Variants in CAMKK1 observed in about 807,000 individuals in gnomAD.
CAMKK1 encodes the protein calcium/calmodulin dependent protein kinase kinase 1.
A neutral mutation model predicts 63.5 loss-of-function variants in CAMKK1; 20 were observed. That is an observed-to-expected ratio of 0.32 (90% CI 0.22 to 0.46). CAMKK1 has a LOEUF of 0.46. CAMKK1 is among the 20% of genes least tolerant of loss of function. The pLI, the probability that CAMKK1 is intolerant of heterozygous loss-of-function variation, is 1.00. For synonymous variants in CAMKK1, 253 were observed against 269.0 expected, an observed-to-expected ratio of 0.94 and a Z score of 0.58; for missense variants, 588 against 658.1, an observed-to-expected ratio of 0.89 and a Z score of 1.17.
intron 12 of CAMKK1, among the ~76,000 whole-genome samples, chr17:3,870,397 G>A (rs578220118): frequency 2.9e-4 from 43 of 150,318 alleles, no homozygotes; most frequent in African/African-American, 9.3e-4. Context: ...ATGGAGTCTC[G>A]CTCTGTGGCC....
chr17:3,884,886 TGAGTTCACTTTCAGACCTAAATG>T lies in CAMKK1; in HGVS notation c.360+419_360+441del, dbSNP rs1223602092. ...TGACATCTGTAGACTGCTTGGAACCTGAGTTCACTTTCAGACCTAAATGGCAAGAACTCCAGCAGAAGCCCAGA... is the reference window on the plus strand; with the variant it reads ...TGACATCTGTAGACTGCTTGGAACCTGCAAGAACTCCAGCAGAAGCCCAGA... On this transcript the variant is annotated intron_variant, in intron 2 of 15. Coordinates refer to ENST00000348335, the MANE Select transcript of CAMKK1 (RefSeq NM_032294.3). The surrounding 1 kb of genome is among the most constrained non-coding windows in gnomAD (Gnocchi z 4.5). Among the ~76,000 whole-genome samples the T allele has an allele frequency of 5.3e-5, 8 of 152,170 alleles. No individual in the cohort carries two copies. The highest frequency in any genetic ancestry group is 1.9e-4 in the African/African-American group (8 of 41,440).
chr17:3,882,891 C>A lies in CAMKK1; in HGVS notation c.648+151G>T. 1 of 1,036,154 alleles carries A rather than the reference C, an allele frequency of 9.7e-7. No individual in the cohort carries two copies. The highest frequency in any genetic ancestry group is 1.4e-6 in the Non-Finnish European group (1 of 722,832). The allele number at this position is 1,036,154 out of a possible 1,614,324, so 64.2% of individuals were successfully genotyped here. A position where few individuals can be genotyped will look rare whatever the true frequency, so the allele number is the denominator to read the frequency against. On this transcript the variant is annotated intron_variant, in intron 6 of 15. Transcript: ENST00000348335. This position sits in a 1 kb window ranked among gnomAD's most constrained non-coding sequence, Gnocchi z 4.3. ...GGGCCCCCAAAGCCTTCCTGCAGCC[C>A]CACCCCAAGTCTGGCCCTGTCCTCA...
chr17:3,872,706 T>G (rs2054945842), intron 11 of CAMKK1, 79 bp from the exon 12 acceptor site: 2 of 1,226,174 alleles, frequency 1.6e-6, no homozygotes, highest in Non-Finnish European at 2.4e-6. Flanking sequence ...CCTCCCTTGG[T>G]GGGGGCAGGG....
At position 3,883,956 on chromosome 17, in the gene CAMKK1, C is replaced by T. The variant is rs1273926691; in HGVS notation, c.409-19G>A. The T allele has an allele frequency of 6.2e-7, 1 of 1,613,064 alleles. No individual in the cohort carries two copies. Among genetic ancestry groups the T allele is most frequent in the South Asian group, 1.1e-5 (1 of 91,062 alleles). On this transcript the variant is annotated intron_variant, in intron 3 of 15. Coordinates refer to ENST00000348335, the MANE Select transcript of CAMKK1 (RefSeq NM_032294.3). This position sits in a 1 kb window ranked among gnomAD's most constrained non-coding sequence, Gnocchi z 4.7. ...AGGCACCCTGCAGATAGGCATCAGT[C>T]AGCCCCACCTGGACAGGGCAACCCC...
At chr17:3,878,592 T>G (rs75464976) in intron 9 of CAMKK1, among the ~76,000 whole-genome samples, 3,214 of 152,178 alleles carry the variant, frequency 0.021, 55 homozygotes, top group Non-Finnish European at 0.031. Context: ...AGCCCTCCCC[T>G]CTGTGTGCCT....
chr17:3,872,694 C>A, intron 11 of CAMKK1, 67 bp from the exon 12 acceptor site: 1 of 1,416,690 alleles, frequency 7.1e-7, no homozygotes, highest in Non-Finnish European at 1.0e-6. Context: ...GGGATCAACC[C>A]CCCTCCCTTG....
At chr17:3,888,998 CGCA>C (rs2143905085) in intron 1 of CAMKK1, among the ~76,000 whole-genome samples, 1 of 152,122 alleles carries the variant, frequency 6.6e-6, no homozygotes, top group South Asian at 2.1e-4. Context: ...TGTGTGTGTG[CGCA>C]GGTGTGTTTA....
intron 11 of CAMKK1, 149 bp downstream of exon 11, chr17:3,873,260 A>G: frequency 1.4e-6 from 1 of 728,928 alleles, no homozygotes; most frequent in Non-Finnish European, 2.4e-6. Context: ...CCAGAGAAAG[A>G]TAGAAAAAGC....
intron 10 of CAMKK1, among the ~76,000 whole-genome samples, chr17:3,874,113 C>T (rs2055033891): frequency 6.6e-6 from 1 of 152,206 alleles, no homozygotes; most frequent in South Asian, 2.1e-4. Flanking sequence ...CCAGATGCAT[C>T]ATCTGAATCC....
At chr17:3,886,241 T>C (rs2055647101) in intron 1 of CAMKK1, among the ~76,000 whole-genome samples, 1 of 152,168 alleles carries the variant, frequency 6.6e-6, no homozygotes, top group Non-Finnish European at 1.5e-5. Flanking sequence ...CCCTCCTTGA[T>C]GTTTCAGCCT....
chr17:3,883,422 T>C lies in CAMKK1; in HGVS notation c.514+7A>G. On this transcript the variant is annotated splice_region_variant and intron_variant, in intron 5 of 15. Transcript: ENST00000348335. The surrounding 1 kb of genome is among the most constrained non-coding windows in gnomAD (Gnocchi z 4.7). ...AGCTCCCAGGGACAGGATCAGAAGATACATACGTGGAAAGCCATACTGCTT... is the reference window on the plus strand; with the variant it reads ...AGCTCCCAGGGACAGGATCAGAAGACACATACGTGGAAAGCCATACTGCTT... 1 of 1,612,884 alleles carries C rather than the reference T, an allele frequency of 6.2e-7. No individual in the cohort carries two copies. The highest frequency in any genetic ancestry group is 8.5e-7 in the Non-Finnish European group (1 of 1,178,850).
chr17:3,883,284 C>T lies in CAMKK1; in HGVS notation c.515-109G>A. On this transcript the variant is annotated intron_variant, in intron 5 of 15. Coordinates refer to ENST00000348335, the MANE Select transcript of CAMKK1 (RefSeq NM_032294.3). This position sits in a 1 kb window ranked among gnomAD's most constrained non-coding sequence, Gnocchi z 4.7. ...TTGCATGCCCGTGGTCTTGTCCCAA[C>T]CCACAGGGCACATTCTGTCCCCAGG... The T allele has an allele frequency of 3.3e-6, 5 of 1,514,988 alleles. No homozygotes were observed. The highest frequency in any genetic ancestry group is 4.6e-6 in the Non-Finnish European group (5 of 1,098,616). The allele number at this position is 1,514,988 out of a possible 1,614,324, so 93.8% of individuals were successfully genotyped here. A position where few individuals can be genotyped will look rare whatever the true frequency, so the allele number is the denominator to read the frequency against.
At position 3,883,510 on chromosome 17, in the gene CAMKK1, C is replaced by A; in HGVS notation, c.463-30G>T. Reference sequence around the variant, plus strand: ...GGAAGGAGGGACAGAAATGTCACTACTGTGCAGCCACCAGGGGCTAGAACA... The same window carrying A: ...GGAAGGAGGGACAGAAATGTCACTAATGTGCAGCCACCAGGGGCTAGAACA... On this transcript the variant is annotated intron_variant, in intron 4 of 15. Transcript: ENST00000348335. This position sits in a 1 kb window ranked among gnomAD's most constrained non-coding sequence, Gnocchi z 4.7. 1 of 1,578,822 alleles carries A rather than the reference C, an allele frequency of 6.3e-7. No homozygotes were observed. Among genetic ancestry groups the A allele is most frequent in the Non-Finnish European group, 8.7e-7 (1 of 1,147,786 alleles).
At chr17:3,880,804 T>C (rs1207747234) in intron 8 of CAMKK1, among the ~76,000 whole-genome samples, 1 of 149,656 alleles carries the variant, frequency 6.7e-6, no homozygotes, top group Non-Finnish European at 1.5e-5. Context: ...TTTTCCTAAA[T>C]AAGTAGAATA....
intron 14 of CAMKK1, among the ~76,000 whole-genome samples, chr17:3,869,062 G>C (rs1185370264): frequency 2.0e-5 from 3 of 149,714 alleles, no homozygotes; most frequent in African/African-American, 7.4e-5. Context: ...TCCACCTCCC[G>C]GGTTCACACC....
Position 3,884,079 on chromosome 17 carries a change from T to C in CAMKK1, c.409-142A>G. 1 of 837,602 alleles carries C rather than the reference T, an allele frequency of 1.2e-6. No homozygotes were observed. The highest frequency in any genetic ancestry group is 1.7e-5 in the African/African-American group (1 of 59,492). The allele number at this position is 837,602 out of a possible 1,614,324, so 51.9% of individuals were successfully genotyped here. ...CACCAGCTGGCTCACGGGCAAATATTGTAGCAGATGGGGAGGGGACTCCTG... is the reference window on the plus strand; with the variant it reads ...CACCAGCTGGCTCACGGGCAAATATCGTAGCAGATGGGGAGGGGACTCCTG... On this transcript the variant is annotated intron_variant, in intron 3 of 15. Coordinates refer to ENST00000348335, the MANE Select transcript of CAMKK1 (RefSeq NM_032294.3). The surrounding 1 kb of genome is among the most constrained non-coding windows in gnomAD (Gnocchi z 4.5).
chr17:3,891,714 C>G (rs1164005963), intron 1 of CAMKK1, among the ~76,000 whole-genome samples: 1 of 152,176 alleles, frequency 6.6e-6, no homozygotes, highest in African/African-American at 2.4e-5. Flanking sequence ...GGCACCTGAG[C>G]TCTCTTCTGA....
chr17:3,863,582 T>G (rs2054399047), intron 15 of CAMKK1, among the ~76,000 whole-genome samples: 1 of 152,006 alleles, frequency 6.6e-6, no homozygotes, highest in Non-Finnish European at 1.5e-5. Context: ...CTTTCAAAGT[T>G]AAACGTGGAG....
In CAMKK1 at chr17:3,879,316, T is replaced by C; in HGVS notation, c.796+1030A>G. 6.5e-6 allele frequency: 1 copy of C among 152,902 alleles called. No homozygotes were observed. The highest frequency in any genetic ancestry group is 1.5e-5 in the Non-Finnish European group (1 of 68,422). The allele number at this position is 152,902 out of a possible 1,614,324, so 9.5% of individuals were successfully genotyped here. A position where few individuals can be genotyped will look rare whatever the true frequency, so the allele number is the denominator to read the frequency against. ...TGGGCTGCAGAAACAGCCTCCTCCC[T>C]GGCCAGCTGGCTGCCTCTCACCCTC... On this transcript the variant is annotated intron_variant, in intron 9 of 15. Transcript: ENST00000348335. The surrounding 1 kb of genome is among the most constrained non-coding windows in gnomAD (Gnocchi z 4.5).
Sources: allele counts gnomAD v4.1 joint callset (sites outside exome capture counted in the v4.1 genomes callset), GRCh38; gene constraint gnomAD v4.1.1; non-coding constraint Gnocchi (gnomAD v3.1); transcripts MANE v1.5; gene names NCBI Gene and HGNC (gene_info 2026-07-23, HGNC 2026-07-21).